The following BRINP3 variants were observed in gnomAD, a reference collection of about 807,000 sequenced individuals.
BRINP3 encodes the protein BMP/retinoic acid inducible neural specific 3.
In BRINP3, 19 loss-of-function variants were observed where a neutral mutation model predicts 71.0. The ratio of observed to expected loss-of-function variants is 0.27; its 90% confidence interval spans 0.19 to 0.39. The LOEUF (loss-of-function observed/expected upper bound fraction) is 0.39, where lower values mean the gene tolerates loss of function less well. Ranked by LOEUF, BRINP3 falls within the 10% of genes least tolerant of loss-of-function variation. The pLI, the probability that BRINP3 is intolerant of heterozygous loss-of-function variation, is 1.00. For synonymous variants in BRINP3, 380 were observed against 337.7 expected (o/e 1.13, Z -1.37); for missense variants, 959 against 940.8 (o/e 1.02, Z -0.25).
At chr1:190,181,008 C>T (rs561372697) in intron 6 of BRINP3, among the ~76,000 whole-genome samples, 2 of 152,156 alleles carry the variant, frequency 1.3e-5, no homozygotes, top group Admixed American at 6.5e-5. Context: ...TATTCTATCA[C>T]TACAAAGATA....
chr1:190,457,529 A>T lies in BRINP3; in HGVS notation c.-50-2589T>A, dbSNP rs78113941. On this transcript the variant is annotated intron_variant, in intron 1 of 7. Transcript: ENST00000367462. The stretch of plus-strand genomic sequence containing the variant: ...TGTTTGACTTTAGGCAAGTTACTTA[A>T]CTTCTTTTGTGCGTCAGATTCCTAA... Among the ~76,000 whole-genome samples the T allele has an allele frequency of 3.7e-3, 562 of 152,218 alleles. 4 individuals carry two copies. Among genetic ancestry groups the T allele is most frequent in the African/African-American group, 0.013 (522 of 41,530 alleles).
intron 6 of BRINP3, among the ~76,000 whole-genome samples, chr1:190,173,484 T>C (rs1652211687): frequency 1.3e-5 from 2 of 152,184 alleles, no homozygotes; most frequent in South Asian, 4.1e-4. Flanking sequence ...GGTCTTCATC[T>C]CCTCACGCCC....
intron 4 of BRINP3, among the ~76,000 whole-genome samples, chr1:190,234,736 A>G (rs889107766): frequency 1.3e-5 from 2 of 152,096 alleles, no homozygotes; most frequent in Non-Finnish European, 2.9e-5. Flanking sequence ...GTTCAAAAGC[A>G]TAACTCATAA....
intron 2 of BRINP3, among the ~76,000 whole-genome samples, chr1:190,351,555 G>A (rs1668385577): frequency 6.6e-6 from 1 of 151,852 alleles, no homozygotes; most frequent in African/African-American, 2.4e-5. Context: ...CCCACTACAG[G>A]GCAGAGAAAA....
At chr1:190,187,301 G>T (rs1653617642) in intron 6 of BRINP3, among the ~76,000 whole-genome samples, 1 of 151,988 alleles carries the variant, frequency 6.6e-6, no homozygotes. Flanking sequence ...TGTATAGTTG[G>T]CAAATGTTTC....
At chr1:190,405,510 A>G in intron 2 of BRINP3, among the ~76,000 whole-genome samples, 1 of 141,108 alleles carries the variant, frequency 7.1e-6, no homozygotes, top group Admixed American at 7.4e-5. Flanking sequence ...CAGAAGCGTG[A>G]CATATCATTT....
At chr1:190,335,693 A>G (rs1667242755) in intron 2 of BRINP3, among the ~76,000 whole-genome samples, 1 of 151,932 alleles carries the variant, frequency 6.6e-6, no homozygotes, top group African/African-American at 2.4e-5. Flanking sequence ...AGATATTCTC[A>G]GATAAATAAT....
intron 7 of BRINP3, 77 bp from the exon 8 acceptor site, chr1:190,099,211 T>C: frequency 7.1e-7 from 1 of 1,399,676 alleles, no homozygotes. Context: ...AGCTCAGAAA[T>C]CTTTGCTATC....
chr1:190,363,421 G>C (rs1339803170), intron 2 of BRINP3, among the ~76,000 whole-genome samples: 1 of 152,098 alleles, frequency 6.6e-6, no homozygotes, highest in Non-Finnish European at 1.5e-5. Context: ...ATTGGTAGAC[G>C]ACAATAGAAA....
At chr1:190,146,196 A>G (rs1655874787) in intron 7 of BRINP3, among the ~76,000 whole-genome samples, 1 of 152,130 alleles carries the variant, frequency 6.6e-6, no homozygotes, top group South Asian at 2.1e-4. Context: ...CCCCAAAACT[A>G]TTGGAATAAT....
At chr1:190,102,352 C>G (rs190438969) in intron 7 of BRINP3, among the ~76,000 whole-genome samples, 1 of 152,206 alleles carries the variant, frequency 6.6e-6, no homozygotes, top group African/African-American at 2.4e-5. Flanking sequence ...AATGTCCTAA[C>G]AATTCAAAAT....
At chr1:190,188,050 T>G (rs1038685011) in intron 6 of BRINP3, among the ~76,000 whole-genome samples, 5 of 152,098 alleles carry the variant, frequency 3.3e-5, no homozygotes, top group Admixed American at 6.6e-5. Context: ...CTTTCTCAAT[T>G]TCTTTTATCA....
chr1:190,142,197 G>T (rs532016888), intron 7 of BRINP3, among the ~76,000 whole-genome samples: 1 of 152,228 alleles, frequency 6.6e-6, no homozygotes, highest in East Asian at 1.9e-4. Flanking sequence ...GAAAAAAAGT[G>T]CTTGCCTCAG....
Position 190,284,790 on chromosome 1 carries a change from T to C in BRINP3, c.237-3040A>G, listed in dbSNP as rs543577338. 1.4e-3 allele frequency among the ~76,000 whole-genome samples: 210 copies of C among 152,212 alleles called. 1 individual carries two copies. The highest frequency in any genetic ancestry group is 4.9e-3 in the African/African-American group (202 of 41,560). On this transcript the variant is annotated intron_variant, in intron 2 of 7. Transcript: ENST00000367462. ...AAAAAACAAAAAGAAAGAAACTCTT[T>C]GGGGATATCACCAAACTAAAACTAA... is the stretch of plus-strand genomic sequence containing the variant.
At chr1:190,180,375 T>TA (rs1434946176) in intron 6 of BRINP3, among the ~76,000 whole-genome samples, 2 of 152,264 alleles carry the variant, frequency 1.3e-5, no homozygotes, top group East Asian at 3.9e-4. Flanking sequence ...TCTGGCACTT[T>TA]GGGGTTTAAG....
intron 7 of BRINP3, among the ~76,000 whole-genome samples, chr1:190,106,001 A>G (rs533906647): frequency 6.6e-6 from 1 of 152,086 alleles, no homozygotes; most frequent in South Asian, 2.1e-4. Flanking sequence ...CAATTGAAAT[A>G]TATTTTTCAC....
At chr1:190,445,747 A>G (rs961409917) in intron 2 of BRINP3, among the ~76,000 whole-genome samples, 3 of 152,212 alleles carry the variant, frequency 2.0e-5, no homozygotes, top group African/African-American at 7.2e-5. Flanking sequence ...AAAGAGAACA[A>G]GCCTGATAAT....
intron 6 of BRINP3, among the ~76,000 whole-genome samples, chr1:190,220,136 C>G (rs992819525): frequency 6.6e-6 from 1 of 151,884 alleles, no homozygotes; most frequent in Non-Finnish European, 1.5e-5. Context: ...GATAAGACTA[C>G]CTCCAAGGCA....
chr1:190,467,415 C>T (rs1676833628), intron 1 of BRINP3, among the ~76,000 whole-genome samples: 1 of 151,472 alleles, frequency 6.6e-6, no homozygotes, highest in Non-Finnish European at 1.5e-5. Context: ...ACAAAACTAA[C>T]ACCAAGTACT....
Sources: allele counts gnomAD v4.1 joint callset (sites outside exome capture counted in the v4.1 genomes callset), GRCh38; gene constraint gnomAD v4.1.1; transcripts MANE v1.5; gene names NCBI Gene and HGNC (gene_info 2026-07-23, HGNC 2026-07-21).